The following NPAS3 variants were observed in gnomAD, a reference collection of about 807,000 sequenced individuals.
NPAS3 encodes neuronal PAS domain protein 3.
In NPAS3, 14 loss-of-function variants were observed where a neutral mutation model predicts 73.1. The observed-to-expected ratio is 0.19, with a 90% confidence interval of 0.13 to 0.30. The LOEUF is 0.30. Ranked by LOEUF, NPAS3 falls within the 10% of genes least tolerant of loss-of-function variation. The pLI is 1.00. For missense variants in NPAS3, 1,096 were observed against 1,250.0 expected, an observed-to-expected ratio of 0.88 and a Z score of 1.86; for synonymous variants, 620 against 541.5, an observed-to-expected ratio of 1.14 and a Z score of -2.01.
chr14:33,233,830 C>T (rs1309244144), intron 3 of NPAS3, among the ~76,000 whole-genome samples: 1 of 152,058 alleles, frequency 6.6e-6, no homozygotes, highest in East Asian at 1.9e-4. Context: ...TAGTTATTTG[C>T]ATTTAAGCAT....
intron 4 of NPAS3, among the ~76,000 whole-genome samples, chr14:33,451,136 A>C (rs1566914983): frequency 6.6e-6 from 1 of 152,174 alleles, no homozygotes; most frequent in Non-Finnish European, 1.5e-5. Flanking sequence ...TACCTTTTCT[A>C]GTCTCTGGCA....
intron 3 of NPAS3, among the ~76,000 whole-genome samples, chr14:33,267,694 A>G (rs925887694): frequency 2.0e-5 from 3 of 152,242 alleles, no homozygotes; most frequent in African/African-American, 7.2e-5. Context: ...AATTTAAAAT[A>G]TTATCTTTTT....
chr14:33,458,706 ATG>A (rs755468718), intron 4 of NPAS3, among the ~76,000 whole-genome samples: 2 of 152,226 alleles, frequency 1.3e-5, no homozygotes, highest in Non-Finnish European at 2.9e-5. Flanking sequence ...TTTGTGTTAT[ATG>A]AAAAAGTCTT....
At chr14:33,143,127 T>C (rs1263175210) in intron 2 of NPAS3, among the ~76,000 whole-genome samples, 2 of 151,674 alleles carry the variant, frequency 1.3e-5, no homozygotes, top group Non-Finnish European at 2.9e-5. Flanking sequence ...AAGAAATACC[T>C]CTTAAATCTT....
At chr14:33,375,841 T>C (rs1594793626) in intron 4 of NPAS3, among the ~76,000 whole-genome samples, 1 of 152,324 alleles carries the variant, frequency 6.6e-6, no homozygotes, top group East Asian at 1.9e-4. Context: ...ATAAAAGAGA[T>C]GTGACATGTC....
intron 5 of NPAS3, among the ~76,000 whole-genome samples, chr14:33,642,314 G>A (rs1417226337): frequency 6.6e-6 from 1 of 152,098 alleles, no homozygotes; most frequent in East Asian, 1.9e-4. Flanking sequence ...AAGAAAATGA[G>A]AGTTTATTGA....
intron 7 of NPAS3, among the ~76,000 whole-genome samples, chr14:33,738,084 G>A (rs541812757): frequency 6.6e-6 from 1 of 152,296 alleles, no homozygotes; most frequent in East Asian, 1.9e-4. Context: ...GGCAGCCACT[G>A]TGCCACATGC....
At chr14:33,219,950 C>A (rs1305518718) in intron 3 of NPAS3, among the ~76,000 whole-genome samples, 1 of 152,144 alleles carries the variant, frequency 6.6e-6, no homozygotes, top group Non-Finnish European at 1.5e-5. Flanking sequence ...TGTGTGCTGA[C>A]ATACATTTAC....
At chr14:33,208,367 A>G (rs563646639) in intron 2 of NPAS3, among the ~76,000 whole-genome samples, 5 of 152,306 alleles carry the variant, frequency 3.3e-5, no homozygotes, top group African/African-American at 1.2e-4. Context: ...TTAAAGTGTT[A>G]AGAATGAAAA....
At chr14:33,495,049 T>C (rs1183193845) in intron 4 of NPAS3, among the ~76,000 whole-genome samples, 1 of 152,154 alleles carries the variant, frequency 6.6e-6, no homozygotes, top group Non-Finnish European at 1.5e-5. Flanking sequence ...GCTTCTCTAG[T>C]TCTTTTCATT....
At chr14:33,050,340 T>C (rs148022520) in intron 1 of NPAS3, among the ~76,000 whole-genome samples, 6 of 152,298 alleles carry the variant, frequency 3.9e-5, no homozygotes, top group Non-Finnish European at 8.8e-5. Context: ...TGTGGACTCA[T>C]AACAAATAGG....
rs148756656 is a variant in NPAS3 at position 33,395,102 on chromosome 14, G to A, written c.468+27834G>A. Among the ~76,000 whole-genome samples the A allele has an allele frequency of 2.8e-4, 42 of 152,226 alleles. 1 individual carries two copies. In the East Asian group the frequency reaches 8.1e-3, roughly 29 times the overall value. On this transcript the variant is annotated intron_variant, in intron 4 of 11. Coordinates refer to ENST00000356141, the Ensembl canonical transcript of NPAS3. The stretch of plus-strand genomic sequence containing the variant: ...CTGCAGTAAGAGAATTGCAAATAGC[G>A]AGGATCTCTTGAAAGATAATTGAAG...
chr14:33,067,770 C>G (rs1049938810), intron 2 of NPAS3, among the ~76,000 whole-genome samples: 1 of 152,206 alleles, frequency 6.6e-6, no homozygotes, highest in Non-Finnish European at 1.5e-5. Flanking sequence ...AGGGCCTTCT[C>G]CAGGACAGTG....
intron 5 of NPAS3, among the ~76,000 whole-genome samples, chr14:33,592,673 G>T (rs367737010): frequency 2.6e-5 from 4 of 152,296 alleles, no homozygotes; most frequent in African/African-American, 9.6e-5. Context: ...TTGCATAGAG[G>T]CAGGAAATGC....
At chr14:33,329,421 G>A (rs2043876486) in intron 3 of NPAS3, among the ~76,000 whole-genome samples, 1 of 152,164 alleles carries the variant, frequency 6.6e-6, no homozygotes, top group South Asian at 2.1e-4. Context: ...TGACTGGGTG[G>A]CAGTGAAAGC....
chr14:33,175,920 A>C lies in NPAS3; in HGVS notation c.141-39262A>C, dbSNP rs2045573788. Among the ~76,000 whole-genome samples, 5 of 152,182 alleles carry C rather than the reference A, an allele frequency of 3.3e-5. No homozygotes were observed. The South Asian group carries it at 1.0e-3, about 32-fold the overall frequency. On this transcript the variant is annotated intron_variant, in intron 2 of 11. Coordinates refer to ENST00000356141, the Ensembl canonical transcript of NPAS3. ...TATTTGAGTCTGGTTTTAAAACAACAACAACAAAAAAAATCAAAAGTTACT... is the reference window on the plus strand; with the variant it reads ...TATTTGAGTCTGGTTTTAAAACAACCACAACAAAAAAAATCAAAAGTTACT...
At chr14:33,119,939 A>G (rs1337572963) in intron 2 of NPAS3, among the ~76,000 whole-genome samples, 2 of 152,142 alleles carry the variant, frequency 1.3e-5, no homozygotes, top group African/African-American at 2.4e-5. Context: ...GCCATTTAAC[A>G]TTAAAACTGC....
chr14:32,997,305 T>C (rs1013577376), intron 1 of NPAS3, among the ~76,000 whole-genome samples: 1 of 152,198 alleles, frequency 6.6e-6, no homozygotes, highest in Non-Finnish European at 1.5e-5. Context: ...CAGATGAGAC[T>C]TTGGACTGTG....
At chr14:33,561,838 TTA>T (rs1486797538) in intron 5 of NPAS3, among the ~76,000 whole-genome samples, 2 of 152,212 alleles carry the variant, frequency 1.3e-5, no homozygotes, top group African/African-American at 4.8e-5. Context: ...AAAGCATCCA[TTA>T]TATACTAGCT....
Sources: allele counts gnomAD v4.1 joint callset (sites outside exome capture counted in the v4.1 genomes callset), GRCh38; gene constraint gnomAD v4.1.1; transcripts MANE v1.5; gene names NCBI Gene and HGNC (gene_info 2026-07-23, HGNC 2026-07-21).